The following STAR variants were observed in gnomAD, a reference collection of about 807,000 sequenced individuals.
The protein encoded by STAR is steroidogenic acute regulatory protein, mitochondrial.
A neutral mutation model predicts 32.3 loss-of-function variants in STAR; 32 were observed. The observed-to-expected ratio is 0.99, with a 90% CI of 0.75 to 1.33. The LOEUF is 1.33. Among genes scored for constraint, STAR ranks in the 40% most tolerant of loss-of-function variants. The pLI is 0.00. For missense variants in STAR, 375 were observed against 379.0 expected (o/e 0.99, Z 0.09); for synonymous variants, 134 against 140.5 (o/e 0.95, Z 0.33).
In STAR at chr8:38,146,374, T is replaced by C; in HGVS notation, c.380A>G (p.Asp127Gly). 1 of 1,614,128 alleles carries C rather than the reference T, an allele frequency of 6.2e-7. No individual in the cohort carries two copies. Among genetic ancestry groups the C allele is most frequent in the South Asian group, 1.1e-5 (1 of 91,082 alleles). ...GKVFRLEVVVDQPMERLYEEL... is the reference protein window; with the variant it reads ...GKVFRLEVVVGQPMERLYEEL... ...TTCATAGAGCCTCTCCATGGGCTGG[T>C]CCACCACGACCTCCAGCCGGAACAC... Residue 127 changes from aspartate to glycine, a missense_variant, in exon 4 of 7, where the codon GAC becomes GGC. Asp to Gly is a moderately conservative substitution (Grantham distance 94). Transcript: ENST00000276449.
rs1206007344 is a variant in STAR, at chr8:38,148,295, G to C, written c.211C>G (p.Gln71Glu). The C allele has an allele frequency of 2.0e-5, 32 of 1,613,942 alleles. No homozygotes were observed. Among genetic ancestry groups the C allele is most frequent in the Non-Finnish European group, 2.6e-5 (31 of 1,180,006 alleles). The change falls in exon 3 of 7, where the codon CAG becomes GAG. Residue 71 changes from glutamine (Q) to glutamate (E), a missense_variant. Coordinates refer to ENST00000276449, the MANE Select transcript of STAR (RefSeq NM_000349.3). Reference sequence around the variant, plus strand: ...CCCTGCTGGAGATAGGCCAGCTCCTGGTCACTGTAGAGAGTCTCTTCCAGC... The same window carrying C: ...CCCTGCTGGAGATAGGCCAGCTCCTCGTCACTGTAGAGAGTCTCTTCCAGC... The part of the protein sequence containing the change: ...SRLEETLYSD[Q>E]ELAYLQQGEE...
chr8:38,148,156 G>T (rs1178736947), intron 3 of STAR, 44 bp downstream of exon 3: 12 of 1,612,492 alleles, frequency 7.4e-6, no homozygotes, highest in Non-Finnish European at 1.0e-5. Context: ...CTTGAGGATG[G>T]CAGTGGAGCA....
Position 38,145,310 on chromosome 8 carries a change from T to C in STAR, c.656A>G (p.Glu219Gly). Residue 219 changes from glutamate to glycine, a missense_variant, in exon 6 of 7, where the codon GAG becomes GGG. Physicochemically the swap from Glu to Gly is moderately conservative, Grantham distance 98. Transcript: ENST00000276449. ...MPEQKGVIRA[E>G]HGPTCMVLHP... The stretch of plus-strand genomic sequence containing the variant: ...AAGCACCATGCAAGTGGGACCGTGC[T>C]CCGCCCTGGCAAATGGAGAAGTCAA... 6.2e-7 allele frequency: 1 copy of C among 1,614,132 alleles called. No individual in the cohort carries two copies. The highest frequency in any genetic ancestry group is 8.5e-7 in the Non-Finnish European group (1 of 1,180,034).
rs1425580178 is a variant in STAR, at chr8:38,143,811, C to T, written c.*462G>A. On this transcript the variant is annotated 3_prime_UTR_variant, in exon 7 of 7. Transcript: ENST00000276449. ...CTTGTTCTGTGGTGTTGCTGTGCAG[C>T]GGCCGGGAGGAGCAGAGGGCTGCAG... 2 of 242,284 alleles carry T rather than the reference C, an allele frequency of 8.3e-6. No individual in the cohort carries two copies. Among genetic ancestry groups the T allele is most frequent in the East Asian group, 1.1e-4 (1 of 9,456 alleles). The allele number at this position is 242,284 out of a possible 1,614,324, so 15.0% of individuals were successfully genotyped here.
chr8:38,144,984 G>A, intron 6 of STAR: 2 of 1,329,550 alleles, frequency 1.5e-6, no homozygotes, highest in Middle Eastern at 5.9e-4. Flanking sequence ...ACTCCAGCCT[G>A]AGTGACAGAA....
chr8:38,146,043 G>T lies in STAR; in HGVS notation c.570C>A (p.Ala190=). 6.2e-7 allele frequency: 1 copy of T among 1,614,222 alleles called. No individual in the cohort carries two copies. The highest frequency in any genetic ancestry group is 8.5e-7 in the Non-Finnish European group (1 of 1,180,044). The change falls in exon 5 of 7, where the codon GCC becomes GCA. Residue 190 remains alanine, a synonymous_variant. Coordinates refer to ENST00000276449, the MANE Select transcript of STAR (RefSeq NM_000349.3). ...GCACACAGGTGGAGCCTCGGCGCTT[G>T]GCACAGCGCACGCTCACAAAGTCAC... ...GPRDFVSVRC[A]KRRGSTCVLA... is the part of the protein sequence containing the mutation.
At chr8:38,145,820 A>G in intron 5 of STAR, 143 bp downstream of exon 5, 2 of 1,034,128 alleles carry the variant, frequency 1.9e-6, no homozygotes, top group South Asian at 2.9e-5. Context: ...CCTTTGGTAA[A>G]TAAGTATCTT....
intron 1 of STAR, chr8:38,148,980 C>G (rs2130617961): frequency 1.8e-6 from 1 of 554,486 alleles, no homozygotes; most frequent in East Asian, 3.1e-5. Context: ...GTGGTCAGGC[C>G]TGGCCCTGCC....
intron 5 of STAR, 112 bp from the exon 6 acceptor site, chr8:38,145,427 GTC>G: frequency 1.4e-6 from 2 of 1,444,696 alleles, no homozygotes; most frequent in South Asian, 2.4e-5. Context: ...TCTTTTCTGA[GTC>G]TCATCAGGGA....
Position 38,144,378 on chromosome 8 carries a change from C to A in STAR, c.753G>T (p.Leu251=), listed in dbSNP as rs779533605. The A allele has an allele frequency of 2.5e-6, 4 of 1,598,006 alleles. No individual in the cohort carries two copies. Among genetic ancestry groups the A allele is most frequent in the Non-Finnish European group, 3.4e-6 (4 of 1,172,352 alleles). The change falls in exon 7 of 7, where the codon CTG becomes CTT. Residue 251 remains leucine, a synonymous_variant. Coordinates refer to ENST00000276449, the MANE Select transcript of STAR (RefSeq NM_000349.3). ...WLLSIDLKGW[L]PKSIINQVLS... Reference sequence around the variant, plus strand: ...GGACCTGGTTGATGATGCTCTTGGGCAGCCACCCCTGCAGTAGGAGGTAGG... The same window carrying A: ...GGACCTGGTTGATGATGCTCTTGGGAAGCCACCCCTGCAGTAGGAGGTAGG...
chr8:38,143,376 G>A lies in STAR; in HGVS notation c.*897C>T, dbSNP rs1216495200. Among the ~76,000 whole-genome samples the A allele has an allele frequency of 6.0e-5, 9 of 149,426 alleles. No individual in the cohort carries two copies. Among genetic ancestry groups the A allele is most frequent in the Admixed American group, 6.8e-5 (1 of 14,704 alleles). On this transcript the variant is annotated 3_prime_UTR_variant, in exon 7 of 7. Coordinates refer to ENST00000276449, the MANE Select transcript of STAR (RefSeq NM_000349.3). ...CGCTGGAGCGCAGTGGCACAATCTC[G>A]GCCCACTACAACCTCCGCCTCCGGG...
rs200711979 is a variant in STAR, at chr8:38,148,322, G to A, written c.184C>T (p.Arg62Trp). 1.6e-4 allele frequency: 258 copies of A among 1,613,986 alleles called. No individual in the cohort carries two copies. The highest frequency in any genetic ancestry group is 3.2e-4 in the South Asian group (29 of 91,020). The change falls in exon 3 of 7, where the codon CGG (arginine) becomes TGG (tryptophan). Residue 62 changes from arginine to tryptophan, a missense_variant. Transcript: ENST00000276449. ...TCACTGTAGAGAGTCTCTTCCAGCC[G>A]AGAACCTGGATACACAGCCGAGGAG... ...VRRRSSLLGSRLEETLYSDQE... is the reference protein window; with the variant it reads ...VRRRSSLLGSWLEETLYSDQE...
chr8:38,149,691 T>C (rs1585627958), intron 1 of STAR, among the ~76,000 whole-genome samples: 2 of 152,274 alleles, frequency 1.3e-5, no homozygotes, highest in East Asian at 3.9e-4. Flanking sequence ...TCAAGAAAGA[T>C]GGCCAGGCAT....
chr8:38,145,126 A>G (rs931476975), intron 6 of STAR, 96 bp downstream of exon 6: 112 of 1,582,152 alleles, frequency 7.1e-5, no homozygotes, highest in Non-Finnish European at 9.2e-5. Context: ...TTCTATCAGA[A>G]TAGAAGAGGA....
At chr8:38,148,874 G>A in intron 1 of STAR, 120 bp from the exon 2 acceptor site, 1 of 771,194 alleles carries the variant, frequency 1.3e-6, no homozygotes, top group Non-Finnish European at 2.2e-6. Context: ...GACTTGCTCA[G>A]GAGCACACAG....
chr8:38,147,263 A>C (rs1313960561), intron 3 of STAR, among the ~76,000 whole-genome samples: 1 of 151,502 alleles, frequency 6.6e-6, no homozygotes, highest in Non-Finnish European at 1.5e-5. Flanking sequence ...AAGCCACTGC[A>C]CCCAGCCCCA....
At chr8:38,144,747 T>A (rs1015064346) in intron 6 of STAR, 20 of 824,934 alleles carry the variant, frequency 2.4e-5, no homozygotes, top group Middle Eastern at 5.1e-4. Flanking sequence ...CCAGGCGCAG[T>A]GGCTCACGCC....
At chr8:38,149,937 G>A (rs1462922821) in intron 1 of STAR, among the ~76,000 whole-genome samples, 1 of 152,122 alleles carries the variant, frequency 6.6e-6, no homozygotes, top group Non-Finnish European at 1.5e-5. Context: ...TCTGGTCGAC[G>A]TGGCGAAACC....
In STAR at chr8:38,142,916, A is replaced by C. The variant is rs1802492063; in HGVS notation, c.*1357T>G. 6.6e-6 allele frequency among the ~76,000 whole-genome samples: 1 copy of C among 152,206 alleles called. No individual in the cohort carries two copies. Among genetic ancestry groups the C allele is most frequent in the South Asian group, 2.1e-4 (1 of 4,836 alleles). On this transcript the variant is annotated 3_prime_UTR_variant, in exon 7 of 7. Coordinates refer to ENST00000276449, the MANE Select transcript of STAR (RefSeq NM_000349.3). Reference sequence around the variant, plus strand: ...TACTAAACTTTTAGCCTGTTTAAGCAGAGAAGTTGCCAGCCCCAAACAAAG... The same window carrying C: ...TACTAAACTTTTAGCCTGTTTAAGCCGAGAAGTTGCCAGCCCCAAACAAAG...
Sources: gnomAD v4.1 joint callset for allele counts (sites outside exome capture counted in the v4.1 genomes callset) on GRCh38, gnomAD v4.1.1 for gene constraint, MANE v1.5 for transcripts, NCBI Gene and HGNC (gene_info 2026-07-23, HGNC 2026-07-21) for gene names.